The following LRFN5 variants were observed in gnomAD, a reference collection of about 807,000 sequenced individuals.
The protein encoded by LRFN5 is leucine rich repeat and fibronectin type III domain containing 5.
LRFN5 carries 24 observed loss-of-function variants against 45.6 expected under a neutral mutation model. The ratio of observed to expected loss-of-function variants is 0.53; its 90% CI spans 0.38 to 0.74. LRFN5 has a LOEUF of 0.74. Among genes scored for constraint, LRFN5 ranks in the 30% least tolerant of loss-of-function variants. LRFN5 has a pLI of 0.00. For synonymous variants in LRFN5, 340 were observed against 313.8 expected, an observed-to-expected ratio of 1.08 and a Z score of -0.88; for missense variants, 776 against 861.5, an observed-to-expected ratio of 0.90 and a Z score of 1.24.
intron 1 of LRFN5, among the ~76,000 whole-genome samples, chr14:41,623,163 T>G (rs1888194846): frequency 6.6e-6 from 1 of 152,208 alleles, no homozygotes; most frequent in South Asian, 2.1e-4. Context: ...GACCACAGCA[T>G]TTCTACAGTC....
intron 2 of LRFN5, among the ~76,000 whole-genome samples, chr14:41,844,688 T>C (rs992813597): frequency 1.2e-4 from 18 of 152,146 alleles, no homozygotes; most frequent in African/African-American, 3.9e-4. Flanking sequence ...CATTTGCCAA[T>C]GTTTATGATA....
rs777680478 is a variant in LRFN5 at position 41,714,907 on chromosome 14, T to TA, written c.-196-51939dup. Among the ~76,000 whole-genome samples, 166 of 151,756 alleles carry TA rather than the reference T, an allele frequency of 1.1e-3. 1 individual carries two copies. The highest frequency in any genetic ancestry group is 6.2e-3 in the East Asian group (32 of 5,162). On this transcript the variant is annotated intron_variant, in intron 1 of 5. Transcript: ENST00000298119. ...GTGACAAAGTAAGACCCTATTTTTT[T>TA]AAAAAAAAGTGCTGAAAAATCATTA...
chr14:41,837,460 C>A (rs1256768187), intron 2 of LRFN5, among the ~76,000 whole-genome samples: 1 of 152,100 alleles, frequency 6.6e-6, no homozygotes, highest in Non-Finnish European at 1.5e-5. Flanking sequence ...ATGGAGAGAC[C>A]TCTGAATCAG....
chr14:41,781,567 A>G lies in LRFN5; in HGVS notation c.-21+14538A>G, dbSNP rs77719192. Among the ~76,000 whole-genome samples, 229 of 38,982 alleles carry G rather than the reference A, an allele frequency of 5.9e-3. 2 individuals are homozygous for G. Among genetic ancestry groups the G allele is most frequent in the African/African-American group, 0.038 (222 of 5,810 alleles). 25.6% of individuals were successfully genotyped at this position (38,982 alleles called of 152,430 possible). On this transcript the variant is annotated intron_variant, in intron 2 of 5. Transcript: ENST00000298119. ...GGAAGGAGAAAAGAAAGAGAAAGAAAGAAAGAAAGAAAGAAAGAAAGAAAG... is the reference window on the plus strand; with the variant it reads ...GGAAGGAGAAAAGAAAGAGAAAGAAGGAAAGAAAGAAAGAAAGAAAGAAAG...
chr14:41,618,500 A>C (rs969509875), intron 1 of LRFN5, among the ~76,000 whole-genome samples: 7 of 152,232 alleles, frequency 4.6e-5, no homozygotes, highest in Admixed American at 2.6e-4. Context: ...GCCAGCTCCA[A>C]TGGCCAGACA....
intron 1 of LRFN5, among the ~76,000 whole-genome samples, chr14:41,732,586 C>T (rs1010427202): frequency 1.3e-5 from 2 of 151,678 alleles, no homozygotes; most frequent in Admixed American, 6.6e-5. Flanking sequence ...ACAATCAAAA[C>T]GAAACATAAA....
chr14:41,651,587 T>C (rs555446649), intron 1 of LRFN5, among the ~76,000 whole-genome samples: 6 of 152,306 alleles, frequency 3.9e-5, no homozygotes, highest in African/African-American at 1.4e-4. Flanking sequence ...AAAATGCTGC[T>C]AGAATAAACC....
intron 2 of LRFN5, among the ~76,000 whole-genome samples, chr14:41,856,675 A>ATTATTATATTTTTT: frequency 5.5e-5 from 1 of 18,328 alleles, no homozygotes; most frequent in African/African-American, 1.3e-4. Flanking sequence ...TATTATTATT[A>ATTATTATATTTTTT]TTTTTTTTTT....
Position 41,637,652 on chromosome 14 carries a change from G to A in LRFN5, c.-197+29090G>A, listed in dbSNP as rs1879368525. Reference sequence around the variant, plus strand: ...GATCCGTGTTATTCTTTTGCTCTGAGCTCTGTACACCTTATTTGGAGGTCA... The same window carrying A: ...GATCCGTGTTATTCTTTTGCTCTGAACTCTGTACACCTTATTTGGAGGTCA... On this transcript the variant is annotated intron_variant, in intron 1 of 5. Transcript: ENST00000298119. 2.0e-5 allele frequency among the ~76,000 whole-genome samples: 3 copies of A among 152,086 alleles called. No homozygotes were observed. The South Asian group carries it at 6.2e-4, about 31-fold the overall frequency.
intron 1 of LRFN5, among the ~76,000 whole-genome samples, chr14:41,623,115 CT>C (rs1180981945): frequency 6.6e-6 from 1 of 152,100 alleles, no homozygotes; most frequent in Admixed American, 6.6e-5. Context: ...TAAAGTTCAG[CT>C]TTCCAGCCCT....
intron 1 of LRFN5, among the ~76,000 whole-genome samples, chr14:41,718,291 G>A (rs563386098): frequency 6.6e-6 from 1 of 152,236 alleles, no homozygotes; most frequent in South Asian, 2.1e-4. Context: ...GAATGTAATT[G>A]TAGAATATGC....
At position 41,842,362 on chromosome 14, in the gene LRFN5, C is replaced by T. The variant is rs116691107; in HGVS notation, c.-20-44244C>T. ...CTTTTGTCTTGCTGATTAATGTAAA[C>T]CCAAATATCAACAAATAGTTATGTC... On this transcript the variant is annotated intron_variant, in intron 2 of 5. Coordinates refer to ENST00000298119, the MANE Select transcript of LRFN5 (RefSeq NM_152447.5). Among the ~76,000 whole-genome samples the T allele has an allele frequency of 6.3e-3, 965 of 152,080 alleles. 6 individuals are homozygous for T. Among genetic ancestry groups the T allele is most frequent in the African/African-American group, 0.022 (930 of 41,498 alleles).
intron 1 of LRFN5, chr14:41,700,380 T>C (rs981559641): frequency 6.6e-6 from 1 of 152,126 alleles, no homozygotes; most frequent in African/African-American, 2.4e-5. Context: ...AAAAAATATC[T>C]GAAACTTTGG....
At chr14:41,849,731 T>A (rs1889199873) in intron 2 of LRFN5, among the ~76,000 whole-genome samples, 1 of 152,008 alleles carries the variant, frequency 6.6e-6, no homozygotes, top group South Asian at 2.1e-4. Context: ...AGTTAATGCG[T>A]CGGCTCAAAG....
At chr14:41,697,845 A>G (rs1882681651) in intron 1 of LRFN5, among the ~76,000 whole-genome samples, 1 of 151,926 alleles carries the variant, frequency 6.6e-6, no homozygotes, top group Non-Finnish European at 1.5e-5. Context: ...ATCCAATTTT[A>G]TTTTATATCA....
chr14:41,641,199 C>T (rs1879559589), intron 1 of LRFN5, among the ~76,000 whole-genome samples: 2 of 151,968 alleles, frequency 1.3e-5, no homozygotes, highest in Admixed American at 1.3e-4. Context: ...CTTTAGAGGG[C>T]GTTTGAAAAC....
intron 2 of LRFN5, among the ~76,000 whole-genome samples, chr14:41,807,302 G>A (rs1368041610): frequency 2.0e-5 from 3 of 151,934 alleles, no homozygotes; most frequent in East Asian, 3.9e-4. Flanking sequence ...TAATATGATC[G>A]TTTTGTATCC....
chr14:41,838,129 A>T (rs1054771836), intron 2 of LRFN5, among the ~76,000 whole-genome samples: 4 of 152,218 alleles, frequency 2.6e-5, no homozygotes, highest in African/African-American at 9.6e-5. Flanking sequence ...ATTTTTTAAC[A>T]TCTACAAAAA....
At chr14:41,844,253 T>C (rs59986035) in intron 2 of LRFN5, among the ~76,000 whole-genome samples, 16,946 of 151,814 alleles carry the variant, frequency 0.11, 2,209 homozygotes, top group East Asian at 0.46. Context: ...CTGGCTAACA[T>C]GGTGAAACCC....
Sources: allele counts gnomAD v4.1 joint callset (sites outside exome capture counted in the v4.1 genomes callset), GRCh38; gene constraint gnomAD v4.1.1; transcripts MANE v1.5; gene names NCBI Gene and HGNC (gene_info 2026-07-23, HGNC 2026-07-21).